Variants in DCST2 observed in about 807,000 individuals in gnomAD.
The protein encoded by DCST2 is DC-STAMP domain-containing protein 2.
A neutral mutation model predicts 81.8 loss-of-function variants in DCST2; 64 were observed. The ratio of observed to expected loss-of-function variants is 0.78; its 90% CI spans 0.64 to 0.96. DCST2 has a LOEUF of 0.96. Among genes scored for constraint, DCST2 ranks in the 40% least tolerant of loss-of-function variants. The pLI is 0.00. For missense variants in DCST2, 945 were observed against 1,001.4 expected, an observed-to-expected ratio of 0.94 and a Z score of 0.76; for synonymous variants, 354 against 402.6, an observed-to-expected ratio of 0.88 and a Z score of 1.44.
Position 155,030,588 on chromosome 1 carries a change from G to C in DCST2, c.863C>G (p.Thr288Ser), listed in dbSNP as rs764884039. The change falls in exon 6 of 15, where the codon ACC (threonine) becomes AGC (serine). Residue 288 changes from threonine to serine, a missense_variant. By Grantham distance (58) the Thr-to-Ser change is moderately conservative (BLOSUM62 1). Coordinates refer to ENST00000368424, the MANE Select transcript of DCST2 (RefSeq NM_144622.3). ...RQEFEFNMTATHHFSVDLNAS... is the reference protein window; with the variant it reads ...RQEFEFNMTASHHFSVDLNAS... ...ATTGAGATCCACAGAGAAGTGGTGGGTGGCTGTCATGTTGAACTCAAACTC... is the reference window on the plus strand; with the variant it reads ...ATTGAGATCCACAGAGAAGTGGTGGCTGGCTGTCATGTTGAACTCAAACTC... 6.2e-7 allele frequency: 1 copy of C among 1,614,138 alleles called. No homozygotes were observed. Among genetic ancestry groups the C allele is most frequent in the Admixed American group, 1.7e-5 (1 of 60,024 alleles).
chr1:155,027,689 T>C (rs1659953348), intron 8 of DCST2, among the ~76,000 whole-genome samples: 1 of 148,446 alleles, frequency 6.7e-6, no homozygotes. Flanking sequence ...GCCTCCCAAG[T>C]AGCTGGGATT....
chr1:155,032,646 T>G, intron 3 of DCST2, 21 bp downstream of exon 3: 1 of 1,610,168 alleles, frequency 6.2e-7, no homozygotes, highest in South Asian at 1.1e-5. Flanking sequence ...GTCCCCGGGA[T>G]AGACATGCTA....
intron 12 of DCST2, 98 bp downstream of exon 12, chr1:155,023,734 G>A (rs1361572624): frequency 2.5e-6 from 4 of 1,590,304 alleles, no homozygotes; most frequent in Non-Finnish European, 3.4e-6. Context: ...AAAAGATGAG[G>A]TACAAGAGAA....
intron 2 of DCST2, 52 bp from the exon 3 acceptor site, chr1:155,032,820 TTC>T: frequency 1.3e-6 from 2 of 1,508,144 alleles, no homozygotes; most frequent in Non-Finnish European, 1.8e-6. Flanking sequence ...TAGGGGCTGG[TTC>T]TCACCATTGC....
Position 155,029,442 on chromosome 1 carries a change from C to A in DCST2, c.1178-45G>T, listed in dbSNP as rs760842171. ...TCAGGAGGATGCTCCCCAGTTCTCC[C>A]GTCCACCAGATCCCAGTTCTTGGAG... On this transcript the variant is annotated intron_variant, in intron 7 of 14. Transcript: ENST00000368424. The A allele has an allele frequency of 2.5e-6, 4 of 1,594,712 alleles. No individual in the cohort carries two copies. The South Asian group carries it at 3.4e-5, about 13-fold the overall frequency.
At chr1:155,024,923 T>C (rs993871147) in intron 10 of DCST2, among the ~76,000 whole-genome samples, 1 of 151,146 alleles carries the variant, frequency 6.6e-6, no homozygotes, top group African/African-American at 2.4e-5. Context: ...CCGAGGCGGG[T>C]GGATCACCTG....
At chr1:155,029,984 C>A (rs1660019921) in intron 7 of DCST2, 100 bp downstream of exon 7, 2 of 1,543,984 alleles carry the variant, frequency 1.3e-6, no homozygotes, top group Non-Finnish European at 1.8e-6. Flanking sequence ...CCAAGCCCAT[C>A]CTGAGCCCTG....
At position 155,023,877 on chromosome 1, in the gene DCST2, C is replaced by T. The variant is rs763908556; in HGVS notation, c.1825G>A (p.Gly609Arg). 2.0e-5 allele frequency: 32 copies of T among 1,613,598 alleles called. 1 individual carries two copies. In the South Asian group the frequency reaches 3.0e-4, roughly 15 times the overall value. The change falls in exon 12 of 15, where the codon GGA (glycine) becomes AGA (arginine). Residue 609 changes from glycine (G) to arginine (R), a missense_variant. Gly to Arg is a moderately radical substitution (Grantham distance 125). Transcript: ENST00000368424. Reference protein sequence around the residue: ...CLGCGQPQDEGDMENTVSCST... With the variant: ...CLGCGQPQDERDMENTVSCST... Reference sequence around the variant, plus strand: ...CAGGACACAGTGTTCTCCATGTCTCCCTCATCCTGGGGCTGCCCACAGCCC... The same window carrying T: ...CAGGACACAGTGTTCTCCATGTCTCTCTCATCCTGGGGCTGCCCACAGCCC...
chr1:155,019,411 C>A (rs920167257), intron 14 of DCST2, among the ~76,000 whole-genome samples: 1 of 152,204 alleles, frequency 6.6e-6, no homozygotes, highest in African/African-American at 2.4e-5. Context: ...AATTCTCTGG[C>A]CTCTCAATCC....
rs1424796217 is a variant in DCST2 at position 155,030,829 on chromosome 1, A to G, written c.806-184T>C. 8 of 637,890 alleles carry G rather than the reference A, an allele frequency of 1.3e-5. No individual in the cohort carries two copies. The East Asian group carries it at 1.4e-4, about 11-fold the overall frequency. 39.5% of individuals were successfully genotyped at this position (637,890 alleles called of 1,614,324 possible). ...GCCTCCACGTATCTGTGCCATCGCCATCACATGCTCAGCACCCAGCATGAC... is the reference window on the plus strand; with the variant it reads ...GCCTCCACGTATCTGTGCCATCGCCGTCACATGCTCAGCACCCAGCATGAC... On this transcript the variant is annotated intron_variant, in intron 5 of 14. Transcript: ENST00000368424.
intron 10 of DCST2, 115 bp downstream of exon 10, chr1:155,026,187 G>A (rs1455863178): frequency 1.1e-6 from 1 of 932,568 alleles, no homozygotes; most frequent in African/African-American, 1.7e-5. Flanking sequence ...TTCAACCAGA[G>A]GAGAGCGGGC....
intron 7 of DCST2, 60 bp downstream of exon 7, chr1:155,030,024 G>A (rs936996662): frequency 3.1e-5 from 50 of 1,602,826 alleles, no homozygotes; most frequent in African/African-American, 2.4e-4. Flanking sequence ...GCAGGGCAGC[G>A]GGGTGGGGGG....
intron 8 of DCST2, among the ~76,000 whole-genome samples, chr1:155,028,667 G>A (rs1298058970): frequency 6.6e-6 from 1 of 151,426 alleles, no homozygotes; most frequent in East Asian, 1.9e-4. Flanking sequence ...GAGGTCAAGA[G>A]ATCAACACCA....
chr1:155,031,914 C>G (rs1290200141), intron 3 of DCST2, 143 bp from the exon 4 acceptor site: 1 of 864,902 alleles, frequency 1.2e-6, no homozygotes, highest in Non-Finnish European at 1.8e-6. Flanking sequence ...GAACACTAGC[C>G]AGCGCCCAGA....
intron 4 of DCST2, 58 bp downstream of exon 4, chr1:155,031,516 C>CT: frequency 5.7e-6 from 3 of 524,974 alleles, no homozygotes; most frequent in South Asian, 1.6e-5. Context: ...CCCCCACATT[C>CT]CCACCCCACC....
At chr1:155,027,385 CTT>C (rs1359537389) in intron 8 of DCST2, among the ~76,000 whole-genome samples, 1 of 72,606 alleles carries the variant, frequency 1.4e-5, no homozygotes, top group East Asian at 2.2e-3. Context: ...GTAGCAGACA[CTT>C]CGCCTGCCTT....
intron 9 of DCST2, 52 bp from the exon 10 acceptor site, chr1:155,026,454 C>T (rs1035901573): frequency 1.2e-6 from 2 of 1,612,154 alleles, no homozygotes; most frequent in African/African-American, 2.7e-5. Flanking sequence ...AAGTGCCAGC[C>T]CACCCCTGGC....
chr1:155,033,607 A>G lies in DCST2; in HGVS notation c.95T>C (p.Leu32Pro). The G allele has an allele frequency of 6.2e-7, 1 of 1,614,186 alleles. No individual in the cohort carries two copies. The highest frequency in any genetic ancestry group is 2.2e-5 in the East Asian group (1 of 44,878). Residue 32 changes from leucine to proline, a missense_variant, in exon 1 of 15, where the codon CTG (leucine) becomes CCG (proline). Transcript: ENST00000368424. ...AVVRSVGGFT[L>P]GLSLATAYGL... ...GTAGGCCGTGGCTAAAGACAAGCCC[A>G]GGGTAAAACCTCCCACGCTGCGAAC... is the stretch of plus-strand genomic sequence containing the variant.
At chr1:155,029,118 T>G (rs1467155905) in intron 8 of DCST2, 115 bp downstream of exon 8, 3 of 1,267,620 alleles carry the variant, frequency 2.4e-6, no homozygotes, top group Non-Finnish European at 3.3e-6. Context: ...ATTCAGGCAG[T>G]CACCAGGACT....
Sources: allele counts gnomAD v4.1 joint callset (sites outside exome capture counted in the v4.1 genomes callset), GRCh38; gene constraint gnomAD v4.1.1; transcripts MANE v1.5; gene names NCBI Gene and HGNC (gene_info 2026-07-23, HGNC 2026-07-21).